ELP4: variants seen among roughly 807,000 people sequenced by gnomAD.
ELP4 encodes the protein elongator complex protein 4.
A neutral mutation model predicts 48.9 loss-of-function variants in ELP4; 51 were observed. That is an observed-to-expected ratio of 1.04 (90% CI 0.83 to 1.32). The LOEUF (loss-of-function observed/expected upper bound fraction) is 1.32. Among genes scored for constraint, ELP4 ranks in the 40% most tolerant of loss-of-function variants. The pLI is 0.00. For synonymous variants in ELP4, 210 were observed against 189.2 expected (o/e 1.11, Z -0.90); for missense variants, 519 against 514.6 (o/e 1.01, Z -0.08).
At chr11:31,542,268 G>A (rs1207818338) in intron 3 of ELP4, among the ~76,000 whole-genome samples, 1 of 152,154 alleles carries the variant, frequency 6.6e-6, no homozygotes, top group Non-Finnish European at 1.5e-5. Flanking sequence ...TGACCTTCAG[G>A]AGACACAGCT....
rs768226773 is a variant in ELP4 at position 31,509,834 on chromosome 11, C to T, written c.50C>T (p.Ala17Val). The T allele has an allele frequency of 2.5e-6, 4 of 1,614,166 alleles. No individual in the cohort carries two copies. Among genetic ancestry groups the T allele is most frequent in the Admixed American group, 1.7e-5 (1 of 60,030 alleles). ...AGTGTTGCCGCGAGTACTGGGTCTG[C>T]AGTGGCGACAGCCAGCAAGAGCAAC... The part of the protein sequence containing the change: ...CGSVAASTGS[A>V]VATASKSNVT... Residue 17 changes from alanine to valine, a missense_variant, in exon 1 of 10, where the codon GCA becomes GTA. Ala to Val is a moderately conservative substitution (Grantham distance 64). Coordinates refer to ENST00000640961, the MANE Select transcript of ELP4 (RefSeq NM_019040.5).
At chr11:31,612,019 A>C (rs1045165609) in intron 5 of ELP4, among the ~76,000 whole-genome samples, 2 of 152,190 alleles carry the variant, frequency 1.3e-5, no homozygotes, top group African/African-American at 4.8e-5. Context: ...GTGCTAATAA[A>C]GGAAGGAACT....
intron 9 of ELP4, among the ~76,000 whole-genome samples, chr11:31,750,714 T>A (rs1947700983): frequency 6.6e-6 from 1 of 152,226 alleles, no homozygotes; most frequent in Non-Finnish European, 1.5e-5. Flanking sequence ...AATTTCTGAT[T>A]TCTCCTTCCA....
Position 31,784,711 on chromosome 11 carries a change from A to C in ELP4, c.*1187A>C, listed in dbSNP as rs1050311663. 10 of 161,776 alleles carry C rather than the reference A, an allele frequency of 6.2e-5. No homozygotes were observed. Among genetic ancestry groups the C allele is most frequent in the Admixed American group, 5.8e-4 (9 of 15,476 alleles). 10.0% of individuals were successfully genotyped at this position (161,776 alleles called of 1,614,324 possible). ...TTTGTTCTTGACAACATTGTAGAAA[A>C]CAAAGACTAGGTTTTTAAAACTGTC... On this transcript the variant is annotated 3_prime_UTR_variant, in exon 10 of 10. Transcript: ENST00000640961.
intron 9 of ELP4, among the ~76,000 whole-genome samples, chr11:31,763,753 C>CT (rs955427510): frequency 1.1e-4 from 16 of 148,332 alleles, no homozygotes; most frequent in African/African-American, 2.2e-4. Flanking sequence ...AGAATGGTAC[C>CT]TTTTTTTTTT....
intron 9 of ELP4, among the ~76,000 whole-genome samples, chr11:31,749,198 A>C (rs142623739): frequency 6.6e-6 from 1 of 152,364 alleles, no homozygotes; most frequent in East Asian, 1.9e-4. Context: ...AACAGCATTT[A>C]GTAAACATTA....
chr11:31,684,789 AATC>A (rs1946128680), intron 9 of ELP4, among the ~76,000 whole-genome samples: 1 of 152,166 alleles, frequency 6.6e-6, no homozygotes, highest in Non-Finnish European at 1.5e-5. Flanking sequence ...CGTAAACAAA[AATC>A]AATTCCAGAT....
chr11:31,733,476 C>CA (rs59733716), intron 9 of ELP4, among the ~76,000 whole-genome samples: 28,752 of 69,160 alleles, frequency 0.42, 4,990 homozygotes, highest in African/African-American at 0.46. Flanking sequence ...GACTCCATCT[C>CA]AAAAAAAAAA....
At position 31,658,827 on chromosome 11, in the gene ELP4, T is replaced by A. The variant is rs185609568; in HGVS notation, c.1143+8606T>A. Among the ~76,000 whole-genome samples, 3 of 152,222 alleles carry A rather than the reference T, an allele frequency of 2.0e-5. No individual in the cohort carries two copies. In the East Asian group the frequency reaches 5.8e-4, roughly 29 times the overall value. ...CTACTGAATTCATTTTTCAAATTTCTAATTTTTTCCTCCCCTGTCATCATA... is the reference window on the plus strand; with the variant it reads ...CTACTGAATTCATTTTTCAAATTTCAAATTTTTTCCTCCCCTGTCATCATA... On this transcript the variant is annotated intron_variant, in intron 9 of 9. Coordinates refer to ENST00000640961, the MANE Select transcript of ELP4 (RefSeq NM_019040.5).
At chr11:31,669,004 C>T (rs981504321) in intron 9 of ELP4, among the ~76,000 whole-genome samples, 2 of 152,066 alleles carry the variant, frequency 1.3e-5, no homozygotes, top group Admixed American at 6.6e-5. Flanking sequence ...TTGTCTCAAA[C>T]TTCGACTTGC....
intron 3 of ELP4, among the ~76,000 whole-genome samples, chr11:31,585,053 G>A (rs1208107249): frequency 6.6e-6 from 1 of 151,958 alleles, no homozygotes; most frequent in Non-Finnish European, 1.5e-5. Context: ...TAACAGATAT[G>A]GATCATAGGT....
At position 31,650,155 on chromosome 11, in the gene ELP4, G is replaced by T. The variant is rs773796268; in HGVS notation, c.1077G>T (p.Leu359Phe). Residue 359 changes from leucine to phenylalanine, a missense_variant, in exon 9 of 10, where the codon TTG becomes TTT. Leu to Phe is a conservative substitution (Grantham distance 22). Transcript: ENST00000640961. ...HIRQIPRLNN[L>F]ICDESDVKDL... ...GGCAGATTCCTCGGCTTAATAACTT[G>T]ATCTGTGATGAATCAGATGTCAAAG... 1.3e-6 allele frequency: 2 copies of T among 1,543,426 alleles called. No homozygotes were observed. Among genetic ancestry groups the T allele is most frequent in the South Asian group, 1.2e-5 (1 of 86,266 alleles).
chr11:31,614,757 A>G (rs1354450779), intron 5 of ELP4, among the ~76,000 whole-genome samples: 10 of 152,202 alleles, frequency 6.6e-5, no homozygotes, highest in Non-Finnish European at 1.5e-5. Flanking sequence ...TTCAAATGTA[A>G]TCACGAAGAA....
intron 9 of ELP4, among the ~76,000 whole-genome samples, chr11:31,763,221 A>G (rs532685126): frequency 6.6e-6 from 1 of 152,304 alleles, no homozygotes; most frequent in Admixed American, 6.5e-5. Context: ...TCTTAAAAAT[A>G]TCCAAATATA....
chr11:31,741,522 C>A (rs1370027172), intron 9 of ELP4, among the ~76,000 whole-genome samples: 1 of 152,184 alleles, frequency 6.6e-6, no homozygotes, highest in Non-Finnish European at 1.5e-5. Flanking sequence ...ACACCTCACA[C>A]AGCCGGGTAC....
intron 9 of ELP4, among the ~76,000 whole-genome samples, chr11:31,677,468 C>T (rs891603978): frequency 1.3e-5 from 2 of 152,130 alleles, no homozygotes; most frequent in African/African-American, 2.4e-5. Flanking sequence ...CCCACGCCCA[C>T]GTAGCTATTG....
At chr11:31,514,677 G>T (rs79580081) in intron 1 of ELP4, among the ~76,000 whole-genome samples, 3,081 of 152,204 alleles carry the variant, frequency 0.02, 48 homozygotes, top group South Asian at 0.042. Flanking sequence ...AACTATTAGT[G>T]TGAGGTCTAT....
intron 3 of ELP4, among the ~76,000 whole-genome samples, chr11:31,588,233 G>A (rs1957511054): frequency 6.6e-6 from 1 of 151,926 alleles, no homozygotes; most frequent in African/African-American, 2.4e-5. Context: ...CCTATTGATA[G>A]ATATTTATAT....
rs1333765674 is a variant in ELP4, at chr11:31,787,011, A to G, written c.*3487A>G. 8 of 202,388 alleles carry G rather than the reference A, an allele frequency of 4.0e-5. No individual in the cohort carries two copies. In the East Asian group the frequency reaches 5.5e-4, roughly 14 times the overall value. The allele number at this position is 202,388 out of a possible 1,614,324, so 12.5% of individuals were successfully genotyped here. A position where few individuals can be genotyped will look rare whatever the true frequency, so the allele number is the denominator to read the frequency against. ...ACCCCATTGATAAATATATAAATATATGTATCGTTAAATAAATAATAAACA... is the reference window on the plus strand; with the variant it reads ...ACCCCATTGATAAATATATAAATATGTGTATCGTTAAATAAATAATAAACA... On this transcript the variant is annotated 3_prime_UTR_variant, in exon 10 of 10. Coordinates refer to ENST00000640961, the MANE Select transcript of ELP4 (RefSeq NM_019040.5).
Sources: gnomAD v4.1 joint callset for allele counts (sites outside exome capture counted in the v4.1 genomes callset) on GRCh38, gnomAD v4.1.1 for gene constraint, MANE v1.5 for transcripts, NCBI Gene and HGNC (gene_info 2026-07-23, HGNC 2026-07-21) for gene names.